EXOC6: variants seen among roughly 807,000 people sequenced by gnomAD.
EXOC6 encodes SEC15-like 1.
EXOC6 carries 60 observed loss-of-function variants against 112.5 expected under a neutral mutation model. That is an observed-to-expected ratio of 0.53 (90% CI 0.43 to 0.66). The LOEUF is 0.66. EXOC6 is among the 30% of genes least tolerant of loss of function. EXOC6 has a pLI of 0.00. For missense variants in EXOC6, 855 were observed against 957.1 expected, an observed-to-expected ratio of 0.89 and a Z score of 1.41; for synonymous variants, 295 against 308.0, an observed-to-expected ratio of 0.96 and a Z score of 0.44.
chr10:92,869,949 C>CT (rs34082304), intron 1 of EXOC6, among the ~76,000 whole-genome samples: 14,526 of 99,998 alleles, frequency 0.15, 1,483 homozygotes, highest in Middle Eastern at 0.22. Flanking sequence ...GGCTTGTGGG[C>CT]TTTTTTTTTT....
chr10:92,910,191 G>A (rs551795004), intron 6 of EXOC6, among the ~76,000 whole-genome samples: 1 of 152,298 alleles, frequency 6.6e-6, no homozygotes, highest in East Asian at 1.9e-4. Context: ...TAGCATCTTT[G>A]TTCACAGTTA....
In EXOC6 at chr10:92,920,017, T is replaced by A. The variant is rs1332217842; in HGVS notation, c.855T>A (p.Pro285=). 1.2e-6 allele frequency: 2 copies of A among 1,606,764 alleles called. No homozygotes were observed. The highest frequency in any genetic ancestry group is 2.7e-5 in the African/African-American group (2 of 74,784). Residue 285 remains proline, a synonymous_variant, in exon 8 of 22, where the codon CCT becomes CCA. Transcript: ENST00000260762. Reference sequence around the variant, plus strand: ...TTCAGGATCTTGTTGATTTTTCCCCTGTTTATCGATGTTTGCACATTTATT... The same window carrying A: ...TTCAGGATCTTGTTGATTTTTCCCCAGTTTATCGATGTTTGCACATTTATT... ...LTVQDLVDFS[P]VYRCLHIYSV... is the part of the protein sequence containing the mutation.
rs1853597261 is a variant in EXOC6, at chr10:92,954,731, G to A, written c.1628G>A (p.Gly543Asp). The A allele has an allele frequency of 6.6e-7, 1 of 1,509,746 alleles. No homozygotes were observed. 93.5% of individuals were successfully genotyped at this position (1,509,746 alleles called of 1,614,324 possible). ...AACCTTATTAGAAAACCTCATATAG[G>A]TTTGACAGAGGTAGGTTAAAAAGAC... Reference protein sequence around the residue: ...LLNLIRKPHIGLTELVQIIIN... With the variant: ...LLNLIRKPHIDLTELVQIIIN... Residue 543 changes from glycine to aspartate, a missense_variant, in exon 16 of 22, where the codon GGT (glycine) becomes GAT (aspartate). Coordinates refer to ENST00000260762, the MANE Select transcript of EXOC6 (RefSeq NM_019053.6).
At chr10:92,943,729 G>A (rs1041518347) in intron 13 of EXOC6, among the ~76,000 whole-genome samples, 1 of 149,744 alleles carries the variant, frequency 6.7e-6, no homozygotes, top group African/African-American at 2.5e-5. Context: ...TTTTAGTGGT[G>A]CAAACATTTA....
intron 20 of EXOC6, among the ~76,000 whole-genome samples, chr10:93,020,173 A>G (rs1033572612): frequency 6.6e-6 from 1 of 152,164 alleles, no homozygotes; most frequent in Non-Finnish European, 1.5e-5. Context: ...AATTTAGAAC[A>G]AATCCTAAAT....
At chr10:93,035,609 C>T (rs970617545) in intron 20 of EXOC6, among the ~76,000 whole-genome samples, 4 of 152,200 alleles carry the variant, frequency 2.6e-5, no homozygotes, top group African/African-American at 7.2e-5. Flanking sequence ...AATCCCAACA[C>T]TTAGGGAGGT....
intron 18 of EXOC6, among the ~76,000 whole-genome samples, chr10:92,983,500 CTTT>C (rs11349490): frequency 1.0e-4 from 11 of 109,368 alleles, no homozygotes; most frequent in Non-Finnish European, 1.3e-4. Context: ...CTTTCTTCTT[CTTT>C]TTTTTTTTTT....
chr10:92,880,657 A>G (rs1177323234), intron 1 of EXOC6, among the ~76,000 whole-genome samples: 1 of 151,796 alleles, frequency 6.6e-6, no homozygotes, highest in Non-Finnish European at 1.5e-5. Context: ...ACCTTGTGTT[A>G]AAAAAAATGG....
chr10:92,888,514 A>C lies in EXOC6; in HGVS notation c.102-4835A>C, dbSNP rs188059408. ...AAAGGGATAACAGTATCTCCTTTAT[A>C]TCCACAAAAGCAGTCAAATCCTCCC... is the stretch of plus-strand genomic sequence containing the variant. On this transcript the variant is annotated intron_variant, in intron 1 of 21. Coordinates refer to ENST00000260762, the MANE Select transcript of EXOC6 (RefSeq NM_019053.6). 5.3e-5 allele frequency among the ~76,000 whole-genome samples: 8 copies of C among 152,330 alleles called. No individual in the cohort carries two copies. The East Asian group carries it at 1.5e-3, about 29-fold the overall frequency.
intron 1 of EXOC6, among the ~76,000 whole-genome samples, chr10:92,867,222 A>G (rs185619175): frequency 6.9e-4 from 105 of 152,296 alleles, no homozygotes; most frequent in African/African-American, 2.5e-3. Flanking sequence ...TATGTTAAAA[A>G]GACTAACAAA....
At chr10:92,885,638 A>G (rs2133785284) in intron 1 of EXOC6, among the ~76,000 whole-genome samples, 1 of 152,256 alleles carries the variant, frequency 6.6e-6, no homozygotes, top group East Asian at 1.9e-4. Context: ...AAGCCTCCCA[A>G]AGTGCTGGGA....
chr10:92,840,095 A>C (rs1846789490), intron 1 of EXOC6, among the ~76,000 whole-genome samples: 1 of 150,766 alleles, frequency 6.6e-6, no homozygotes, highest in Non-Finnish European at 1.5e-5. Context: ...GAATAAAGAT[A>C]ACGTGCTTTT....
At chr10:93,055,162 G>A (rs1035258071) in intron 20 of EXOC6, among the ~76,000 whole-genome samples, 11 of 151,990 alleles carry the variant, frequency 7.2e-5, no homozygotes, top group Non-Finnish European at 1.6e-4. Flanking sequence ...CATCCTTAAC[G>A]TTTTTGCAAA....
chr10:92,854,296 G>T (rs1226285359), intron 1 of EXOC6, among the ~76,000 whole-genome samples: 2 of 152,030 alleles, frequency 1.3e-5, no homozygotes, highest in African/African-American at 4.8e-5. Flanking sequence ...AATTAGCTGG[G>T]CTTGGTAGCA....
chr10:92,891,904 CAA>C (rs750495420), intron 1 of EXOC6, among the ~76,000 whole-genome samples: 5 of 152,122 alleles, frequency 3.3e-5, no homozygotes, highest in East Asian at 1.9e-4. Flanking sequence ...TTTGGGGAAA[CAA>C]AATATATTTT....
rs80234211 is a variant in EXOC6, at chr10:92,997,999, A to G, written c.2095+384A>G. 6.8e-3 allele frequency among the ~76,000 whole-genome samples: 1,042 copies of G among 152,328 alleles called. 21 individuals carry two copies. Among genetic ancestry groups the G allele is most frequent in the African/African-American group, 0.024 (990 of 41,568 alleles). ...AACTTTTTAGATACTTGCTAGAAGA[A>G]TAAGCTCAGGACCTTGCATTCCAAA... On this transcript the variant is annotated intron_variant, in intron 19 of 21. Transcript: ENST00000260762.
chr10:92,868,950 G>A (rs993179467), intron 1 of EXOC6, among the ~76,000 whole-genome samples: 1 of 151,598 alleles, frequency 6.6e-6, no homozygotes, highest in African/African-American at 2.4e-5. Flanking sequence ...GAGTACCTGG[G>A]ACTAAAACCT....
intron 5 of EXOC6, chr10:92,900,641 T>C (rs1850111779): frequency 6.6e-6 from 1 of 151,742 alleles, no homozygotes; most frequent in Non-Finnish European, 1.5e-5. Flanking sequence ...ATTCAAATAA[T>C]TTTCCTACGC....
intron 17 of EXOC6, among the ~76,000 whole-genome samples, chr10:92,957,956 CATCTTTCTATTT>C (rs1291743752): frequency 6.6e-6 from 1 of 152,022 alleles, no homozygotes; most frequent in Non-Finnish European, 1.5e-5. Context: ...CCCTAGAAAA[CATCTTTCTATTT>C]GATTGCTTAA....
Sources: allele counts gnomAD v4.1 joint callset (sites outside exome capture counted in the v4.1 genomes callset), GRCh38; gene constraint gnomAD v4.1.1; transcripts MANE v1.5; gene names NCBI Gene and HGNC (gene_info 2026-07-23, HGNC 2026-07-21).